SGMS1: variants seen among roughly 807,000 people sequenced by gnomAD.
SGMS1 encodes the protein phosphatidylcholine:ceramide cholinephosphotransferase 1.
Under a neutral mutation model 46.2 loss-of-function variants are expected in SGMS1, and 13 were observed. The ratio of observed to expected loss-of-function variants is 0.28; its 90% confidence interval spans 0.18 to 0.45. SGMS1 has a LOEUF of 0.45. SGMS1 is among the 20% of genes least tolerant of loss of function. The pLI is 1.00. For synonymous variants in SGMS1, 203 were observed against 187.8 expected, an observed-to-expected ratio of 1.08 and a Z score of -0.66; for missense variants, 324 against 519.9, an observed-to-expected ratio of 0.62 and a Z score of 3.66.
intron 2 of SGMS1, among the ~76,000 whole-genome samples, chr10:50,551,827 C>T (rs368247654): frequency 4.3e-4 from 65 of 152,202 alleles, no homozygotes; most frequent in African/African-American, 1.4e-3. Flanking sequence ...TTGTATTCTC[C>T]GATCCATCCT....
chr10:50,584,518 AAAG>A (rs1314790042), intron 2 of SGMS1, among the ~76,000 whole-genome samples: 2 of 151,824 alleles, frequency 1.3e-5, no homozygotes, highest in African/African-American at 4.8e-5. Context: ...AAAAAAAAAA[AAAG>A]ATCAACTACA....
chr10:50,409,418 T>C (rs564938164), intron 6 of SGMS1, among the ~76,000 whole-genome samples: 1 of 152,352 alleles, frequency 6.6e-6, no homozygotes, highest in African/African-American at 2.4e-5. Flanking sequence ...GAACTGTTCC[T>C]GTCCATTCCA....
intron 5 of SGMS1, among the ~76,000 whole-genome samples, chr10:50,459,274 A>G (rs776132209): frequency 2.0e-5 from 3 of 152,264 alleles, no homozygotes; most frequent in Non-Finnish European, 4.4e-5. Flanking sequence ...TATAAAAATA[A>G]TAAAAGTTGA....
Position 50,364,477 on chromosome 10 carries a change from G to T in SGMS1, c.-231-20132C>A, listed in dbSNP as rs1159436086. Among the ~76,000 whole-genome samples, 6 of 152,256 alleles carry T rather than the reference G, an allele frequency of 3.9e-5. No homozygotes were observed. In the East Asian group the frequency reaches 1.2e-3, roughly 29 times the overall value. On this transcript the variant is annotated intron_variant, in intron 6 of 10. Transcript: ENST00000361781. ...ACTTCCCTCCATCTCACCCCAACCAGAAGGGCTAGTCTCCATCCTTGACCT... is the reference window on the plus strand; with the variant it reads ...ACTTCCCTCCATCTCACCCCAACCATAAGGGCTAGTCTCCATCCTTGACCT...
At chr10:50,413,680 T>C (rs1849130835) in intron 6 of SGMS1, among the ~76,000 whole-genome samples, 2 of 152,184 alleles carry the variant, frequency 1.3e-5, no homozygotes, top group African/African-American at 2.4e-5. Flanking sequence ...TGTCCAAATA[T>C]ACCAAATTTT....
At chr10:50,461,698 C>T (rs984877559) in intron 4 of SGMS1, among the ~76,000 whole-genome samples, 1 of 152,098 alleles carries the variant, frequency 6.6e-6, no homozygotes, top group Non-Finnish European at 1.5e-5. Context: ...GGATAAAAAT[C>T]ATAGGTGCTC....
chr10:50,355,864 A>G (rs890178377), intron 6 of SGMS1, among the ~76,000 whole-genome samples: 2 of 150,954 alleles, frequency 1.3e-5, no homozygotes, highest in African/African-American at 4.9e-5. Flanking sequence ...TGAGATGTGA[A>G]GAGCGCCTCT....
intron 2 of SGMS1, among the ~76,000 whole-genome samples, chr10:50,527,674 T>C (rs185208155): frequency 2.0e-5 from 3 of 152,326 alleles, no homozygotes; most frequent in East Asian, 3.9e-4. Context: ...TTGTGCTATC[T>C]TGACACATAA....
intron 1 of SGMS1, among the ~76,000 whole-genome samples, chr10:50,599,837 T>A (rs1481577623): frequency 6.6e-6 from 1 of 152,128 alleles, no homozygotes; most frequent in Non-Finnish European, 1.5e-5. Context: ...CACCCCAGCC[T>A]GGGCGACAGA....
intron 3 of SGMS1, among the ~76,000 whole-genome samples, chr10:50,471,524 G>A (rs1045793747): frequency 5.3e-5 from 8 of 152,116 alleles, no homozygotes; most frequent in Non-Finnish European, 7.4e-5. Flanking sequence ...TCTATGAGAC[G>A]CAAACACTTT....
chr10:50,443,214 T>C (rs960527226), intron 5 of SGMS1, among the ~76,000 whole-genome samples: 7 of 152,184 alleles, frequency 4.6e-5, no homozygotes, highest in Admixed American at 3.9e-4. Flanking sequence ...GGCATCCCTG[T>C]TTTCCAAAGA....
intron 6 of SGMS1, among the ~76,000 whole-genome samples, chr10:50,380,832 T>C (rs1848592839): frequency 6.6e-6 from 1 of 152,174 alleles, no homozygotes; most frequent in South Asian, 2.1e-4. Flanking sequence ...AGGTATTTGA[T>C]GGCATTTTTC....
At chr10:50,384,699 C>T (rs1193106895) in intron 6 of SGMS1, among the ~76,000 whole-genome samples, 1 of 152,058 alleles carries the variant, frequency 6.6e-6, no homozygotes, top group Non-Finnish European at 1.5e-5. Context: ...ATCCTCTTGC[C>T]TCAGCCTCCC....
intron 6 of SGMS1, among the ~76,000 whole-genome samples, chr10:50,346,738 T>G (rs1368180921): frequency 6.6e-6 from 1 of 152,104 alleles, no homozygotes; most frequent in Non-Finnish European, 1.5e-5. Context: ...TCTTACTCTA[T>G]TGCCCAGGCT....
At chr10:50,319,905 C>T (rs555159002) in intron 8 of SGMS1, among the ~76,000 whole-genome samples, 53 of 152,288 alleles carry the variant, frequency 3.5e-4, no homozygotes, top group Admixed American at 1.2e-3. Context: ...GCCAACCTTT[C>T]ACACAAGGGC....
At chr10:50,362,959 T>C (rs1018549092) in intron 6 of SGMS1, among the ~76,000 whole-genome samples, 2 of 152,086 alleles carry the variant, frequency 1.3e-5, no homozygotes, top group Non-Finnish European at 2.9e-5. Context: ...AAAAATAAAG[T>C]ATATAAATAT....
At chr10:50,587,729 TA>T in intron 2 of SGMS1, among the ~76,000 whole-genome samples, 1 of 151,570 alleles carries the variant, frequency 6.6e-6, no homozygotes, top group South Asian at 2.1e-4. Context: ...AGGCTATTAC[TA>T]GTTACATTTT....
At chr10:50,334,867 T>TG (rs1244079035) in intron 7 of SGMS1, 1 of 152,140 alleles carries the variant, frequency 6.6e-6, no homozygotes. Context: ...AGAGTCTCAC[T>TG]GGGGGAAGGG....
chr10:50,523,936 C>G (rs761163823), intron 2 of SGMS1, among the ~76,000 whole-genome samples: 1 of 152,240 alleles, frequency 6.6e-6, no homozygotes, highest in African/African-American at 2.4e-5. Context: ...ATTCCAAACA[C>G]AGTTTGCAGA....
Sources: allele counts gnomAD v4.1 joint callset (sites outside exome capture counted in the v4.1 genomes callset), GRCh38; gene constraint gnomAD v4.1.1; transcripts MANE v1.5; gene names NCBI Gene and HGNC (gene_info 2026-07-23, HGNC 2026-07-21).